Variants in CDH12 observed in about 807,000 individuals in gnomAD.
CDH12 encodes the protein cadherin 12.
A neutral mutation model predicts 74.1 loss-of-function variants in CDH12; 41 were observed. The observed-to-expected ratio is 0.55, with a 90% CI of 0.43 to 0.72. The LOEUF (loss-of-function observed/expected upper bound fraction) is 0.72. Among genes scored for constraint, CDH12 ranks in the 30% least tolerant of loss-of-function variants. The probability of loss-of-function intolerance (pLI) is 0.00; values close to 1 mark genes in which losing one functional copy is unlikely to be tolerated. For missense variants in CDH12, 945 were observed against 977.2 expected, an observed-to-expected ratio of 0.97 and a Z score of 0.44; for synonymous variants, 399 against 355.0, an observed-to-expected ratio of 1.12 and a Z score of -1.39.
chr5:22,316,825 G>C (rs1738652876), intron 3 of CDH12, among the ~76,000 whole-genome samples: 1 of 152,008 alleles, frequency 6.6e-6, no homozygotes, highest in South Asian at 2.1e-4. Context: ...TAGGAAAAAA[G>C]ACATGTCAGA....
At chr5:22,032,836 G>T (rs1253590048) in intron 5 of CDH12, among the ~76,000 whole-genome samples, 2 of 142,088 alleles carry the variant, frequency 1.4e-5, no homozygotes, top group Non-Finnish European at 3.0e-5. Flanking sequence ...ACACACACAC[G>T]CACACACACA....
rs755362635 is a variant in CDH12 at position 22,078,719 on chromosome 5, C to T, written c.-43G>A. ...CAGCAGAGTAATAAAAACTCCAACA[C>T]TTAACGTAGAATTGTGGAATCCAGG... is the stretch of plus-strand genomic sequence containing the variant. On this transcript the variant is annotated 5_prime_UTR_variant, in exon 5 of 15. In the 5' UTR this introduces an upstream ATG that the reference lacks. Coordinates refer to ENST00000382254, the MANE Select transcript of CDH12 (RefSeq NM_004061.5). 5 of 1,601,150 alleles carry T rather than the reference C, an allele frequency of 3.1e-6. No individual in the cohort carries two copies. Among genetic ancestry groups the T allele is most frequent in the African/African-American group, 1.3e-5 (1 of 74,464 alleles).
chr5:22,798,856 G>A (rs1324594604), intron 1 of CDH12, among the ~76,000 whole-genome samples: 1 of 152,110 alleles, frequency 6.6e-6, no homozygotes, highest in Non-Finnish European at 1.5e-5. Context: ...GCTCATGTCT[G>A]TAATCCCAGC....
chr5:21,963,304 C>T lies in CDH12; in HGVS notation c.526+11787G>A, dbSNP rs530481439. On this transcript the variant is annotated intron_variant, in intron 6 of 14. Transcript: ENST00000382254. ...TTGGCTCTTGTCCCTCTACCCCTAC[C>T]TCTTTTTGGAACCTAATTAAATTAA... Among the ~76,000 whole-genome samples, 270 of 152,140 alleles carry T rather than the reference C, an allele frequency of 1.8e-3. 3 individuals are homozygous for T. The highest frequency in any genetic ancestry group is 5.9e-3 in the African/African-American group (247 of 41,518).
chr5:22,824,512 T>G (rs1749906161), intron 1 of CDH12, among the ~76,000 whole-genome samples: 1 of 152,110 alleles, frequency 6.6e-6, no homozygotes, highest in South Asian at 2.1e-4. Context: ...GTAGTGAGGT[T>G]GTCTAAAAAC....
At chr5:22,657,307 G>A (rs1204127483) in intron 1 of CDH12, among the ~76,000 whole-genome samples, 2 of 152,124 alleles carry the variant, frequency 1.3e-5, no homozygotes, top group African/African-American at 4.8e-5. Context: ...AGTAGCTCTT[G>A]TCGCAATCTG....
intron 3 of CDH12, among the ~76,000 whole-genome samples, chr5:22,372,753 G>T (rs1405800962): frequency 1.3e-5 from 2 of 152,104 alleles, no homozygotes; most frequent in Admixed American, 6.5e-5. Context: ...CCTTCCAGGT[G>T]GTGGGCCCAC....
intron 6 of CDH12, chr5:21,882,584 G>T: frequency 6.3e-7 from 1 of 1,580,734 alleles, no homozygotes; most frequent in Non-Finnish European, 8.7e-7. Flanking sequence ...CCGCCCCACA[G>T]AAATGCTTCG....
At position 21,751,418 on chromosome 5, in the gene CDH12, T is replaced by C. The variant is rs1561149143; in HGVS notation, c.*319A>G. On this transcript the variant is annotated 3_prime_UTR_variant, in exon 15 of 15. Transcript: ENST00000382254. Reference sequence around the variant, plus strand: ...GCCACATAGCTATCTTCGTTCTAGGTTGTCATGTCAGTAAATTGTATTGAA... The same window carrying C: ...GCCACATAGCTATCTTCGTTCTAGGCTGTCATGTCAGTAAATTGTATTGAA... The C allele has an allele frequency of 4.0e-6, 1 of 247,718 alleles. No individual in the cohort carries two copies. Among genetic ancestry groups the C allele is most frequent in the African/African-American group, 2.2e-5 (1 of 44,696 alleles). The allele number at this position is 247,718 out of a possible 1,614,324, so 15.3% of individuals were successfully genotyped here.
intron 6 of CDH12, among the ~76,000 whole-genome samples, chr5:21,922,095 A>T (rs1395908513): frequency 1.3e-5 from 2 of 152,196 alleles, no homozygotes; most frequent in Non-Finnish European, 2.9e-5. Flanking sequence ...CTCCCTGAGT[A>T]ACCACTGATT....
chr5:22,189,205 C>T (rs908632022), intron 4 of CDH12, among the ~76,000 whole-genome samples: 6 of 152,058 alleles, frequency 3.9e-5, no homozygotes, highest in Admixed American at 6.6e-5. Flanking sequence ...AACTTGAAAC[C>T]ATGACACTGC....
At chr5:22,814,631 G>A (rs1749301962) in intron 1 of CDH12, among the ~76,000 whole-genome samples, 1 of 152,194 alleles carries the variant, frequency 6.6e-6, no homozygotes, top group Middle Eastern at 3.4e-3. Context: ...AAGCTCTGAA[G>A]TTAATTTTTA....
chr5:22,332,825 G>C (rs748341565), intron 3 of CDH12, among the ~76,000 whole-genome samples: 1 of 152,148 alleles, frequency 6.6e-6, no homozygotes, highest in Non-Finnish European at 1.5e-5. Context: ...AATAGATGCT[G>C]GTGAGGATGT....
intron 9 of CDH12, among the ~76,000 whole-genome samples, chr5:21,813,848 C>G (rs1294957602): frequency 6.6e-6 from 1 of 152,072 alleles, no homozygotes; most frequent in Non-Finnish European, 1.5e-5. Flanking sequence ...GCCTTTTACC[C>G]CTTCATCCTA....
chr5:22,435,479 T>C (rs966812984), intron 2 of CDH12, among the ~76,000 whole-genome samples: 3 of 140,518 alleles, frequency 2.1e-5, no homozygotes, highest in Middle Eastern at 3.8e-3. Context: ...CACACACATA[T>C]ATATGTATGT....
chr5:21,933,980 GATTT>G (rs1754961180), intron 6 of CDH12, among the ~76,000 whole-genome samples: 1 of 152,216 alleles, frequency 6.6e-6, no homozygotes, highest in African/African-American at 2.4e-5. Flanking sequence ...ACAGCCATAA[GATTT>G]ATTTGACAAA....
intron 3 of CDH12, among the ~76,000 whole-genome samples, chr5:22,326,416 T>C (rs1414899934): frequency 6.6e-6 from 1 of 152,146 alleles, no homozygotes; most frequent in African/African-American, 2.4e-5. Flanking sequence ...TTTGTATTTT[T>C]AGTAGAGACG....
At chr5:22,792,079 A>C (rs371645593) in intron 1 of CDH12, among the ~76,000 whole-genome samples, 1 of 148,770 alleles carries the variant, frequency 6.7e-6, no homozygotes, top group East Asian at 2.0e-4. Flanking sequence ...GATATCATGA[A>C]CTAGGGCTTT....
At chr5:22,830,502 T>A (rs1736551363) in intron 1 of CDH12, among the ~76,000 whole-genome samples, 1 of 151,844 alleles carries the variant, frequency 6.6e-6, no homozygotes, top group African/African-American at 2.4e-5. Context: ...TTATAATTAA[T>A]ATATATAATT....
Sources: gnomAD v4.1 joint callset for allele counts (sites outside exome capture counted in the v4.1 genomes callset) on GRCh38, gnomAD v4.1.1 for gene constraint, MANE v1.5 for transcripts, NCBI Gene and HGNC (gene_info 2026-07-23, HGNC 2026-07-21) for gene names.